ANXA3: variants seen among roughly 807,000 people sequenced by gnomAD.
The protein encoded by ANXA3 is annexin A3.
In ANXA3, 46 loss-of-function variants were observed where a neutral mutation model predicts 48.8. The observed-to-expected ratio is 0.94, with a 90% CI of 0.74 to 1.21. The LOEUF (loss-of-function observed/expected upper bound fraction) is 1.21. Ranked by LOEUF, ANXA3 falls within the 50% of genes most tolerant of loss-of-function variation. The pLI is 0.00. For missense variants in ANXA3, 383 were observed against 378.6 expected, an observed-to-expected ratio of 1.01 and a Z score of -0.10; for synonymous variants, 128 against 134.7, an observed-to-expected ratio of 0.95 and a Z score of 0.35.
chr4:78,562,792 T>C (rs970710515), intron 2 of ANXA3, among the ~76,000 whole-genome samples: 4 of 152,084 alleles, frequency 2.6e-5, no homozygotes, highest in Non-Finnish European at 5.9e-5. Flanking sequence ...GGGGGTGTGA[T>C]TTTCTGCTCA....
intron 2 of ANXA3, among the ~76,000 whole-genome samples, chr4:78,561,638 C>G (rs1052923054): frequency 1.8e-4 from 28 of 152,190 alleles, no homozygotes; most frequent in African/African-American, 6.5e-4. Flanking sequence ...TGAACTCCTC[C>G]TCTGGTCTCC....
At chr4:78,606,709 G>A (rs569962922) in intron 12 of ANXA3, among the ~76,000 whole-genome samples, 1 of 152,262 alleles carries the variant, frequency 6.6e-6, no homozygotes, top group Admixed American at 6.5e-5. Context: ...ACATCAATCA[G>A]TCAACTAGAT....
chr4:78,575,214 T>C (rs1311710353), intron 3 of ANXA3, among the ~76,000 whole-genome samples: 1 of 152,192 alleles, frequency 6.6e-6, no homozygotes, highest in Non-Finnish European at 1.5e-5. Context: ...TTGGTTTGTC[T>C]TCTTTATGAT....
chr4:78,573,385 T>G, intron 3 of ANXA3, 118 bp downstream of exon 3: 6 of 714,930 alleles, frequency 8.4e-6, no homozygotes, highest in Non-Finnish European at 1.2e-5. Context: ...AGGAATTTTC[T>G]AAAATTGTGA....
At chr4:78,557,895 G>A (rs1312048270) in intron 2 of ANXA3, among the ~76,000 whole-genome samples, 1 of 152,112 alleles carries the variant, frequency 6.6e-6, no homozygotes, top group East Asian at 1.9e-4. Flanking sequence ...ATGAAAGCAG[G>A]ATCTTAAAGA....
intron 2 of ANXA3, among the ~76,000 whole-genome samples, chr4:78,561,565 C>G (rs1440877506): frequency 6.6e-6 from 1 of 152,088 alleles, no homozygotes; most frequent in Admixed American, 6.6e-5. Context: ...TGTGATTGCT[C>G]TTCTTTGCTA....
chr4:78,601,654 T>C, intron 11 of ANXA3, 86 bp downstream of exon 11: 1 of 1,123,866 alleles, frequency 8.9e-7, no homozygotes, highest in Non-Finnish European at 1.3e-6. Flanking sequence ...TATTTAAAAA[T>C]TAGTTATTTT....
chr4:78,592,456 T>G (rs1225834643), intron 7 of ANXA3, among the ~76,000 whole-genome samples: 2 of 152,214 alleles, frequency 1.3e-5, no homozygotes, highest in African/African-American at 4.8e-5. Context: ...GTGAAAAACT[T>G]ATGAAGGTTG....
At chr4:78,594,248 C>T (rs1328909227) in intron 7 of ANXA3, among the ~76,000 whole-genome samples, 19 of 152,072 alleles carry the variant, frequency 1.2e-4, no homozygotes, top group Non-Finnish European at 5.9e-5. Flanking sequence ...CTTTTTAGTA[C>T]TGAGTAGTAT....
intron 2 of ANXA3, among the ~76,000 whole-genome samples, chr4:78,555,565 A>G (rs1722493306): frequency 6.6e-6 from 1 of 152,140 alleles, no homozygotes; most frequent in Non-Finnish European, 1.5e-5. Flanking sequence ...AAGGTTGGAC[A>G]CAGTGGCTCA....
chr4:78,595,535 C>CT, intron 8 of ANXA3, 98 bp downstream of exon 8: 10 of 1,247,456 alleles, frequency 8.0e-6, no homozygotes, highest in Admixed American at 4.6e-5. Flanking sequence ...GCAACAGGGA[C>CT]TTTTCTTTTT....
At chr4:78,562,817 A>T (rs1311303483) in intron 2 of ANXA3, among the ~76,000 whole-genome samples, 1 of 152,214 alleles carries the variant, frequency 6.6e-6, no homozygotes, top group Non-Finnish European at 1.5e-5. Flanking sequence ...TAGGAGGAGA[A>T]GTCAACGTGG....
In ANXA3 at chr4:78,584,431, C is replaced by T. The variant is rs183945466; in HGVS notation, c.313-1829C>T. 4.2e-4 allele frequency among the ~76,000 whole-genome samples: 64 copies of T among 152,276 alleles called. 1 individual carries two copies. The East Asian group carries it at 9.6e-3, about 23-fold the overall frequency. ...AGTCAAGCAATCCTCCTGCCTCGGC[C>T]TCTCAAAGTACTGGAATTACAGGTG... On this transcript the variant is annotated intron_variant, in intron 5 of 12. Transcript: ENST00000264908.
chr4:78,606,014 G>A (rs1390834300), intron 12 of ANXA3, among the ~76,000 whole-genome samples: 9 of 152,250 alleles, frequency 5.9e-5, no homozygotes, highest in Non-Finnish European at 1.3e-4. Context: ...GTGATAGAGA[G>A]TGTTAGTCCA....
Position 78,608,164 on chromosome 4 carries a change from G to T in ANXA3, c.913-1892G>T, listed in dbSNP as rs572602665. Among the ~76,000 whole-genome samples, 168 of 152,250 alleles carry T rather than the reference G, an allele frequency of 1.1e-3. No individual in the cohort carries two copies. The Middle Eastern group carries it at 0.02, about 18-fold the overall frequency. ...GGGGAAGACATTTTCTGCCCTTATG[G>T]AATTACAACTATGTTAAATGTAAAG... On this transcript the variant is annotated intron_variant, in intron 12 of 12. Coordinates refer to ENST00000264908, the MANE Select transcript of ANXA3 (RefSeq NM_005139.3).
chr4:78,588,472 TA>T (rs1723224673), intron 6 of ANXA3, among the ~76,000 whole-genome samples: 1 of 152,160 alleles, frequency 6.6e-6, no homozygotes, highest in African/African-American at 2.4e-5. Flanking sequence ...ATGCAGGTTA[TA>T]ACCCCCCAGA....
intron 6 of ANXA3, among the ~76,000 whole-genome samples, chr4:78,591,043 G>A (rs558423158): frequency 6.6e-6 from 1 of 152,348 alleles, no homozygotes; most frequent in African/African-American, 2.4e-5. Flanking sequence ...GAAGGACTAA[G>A]ATGAACATGG....
intron 2 of ANXA3, among the ~76,000 whole-genome samples, chr4:78,562,343 G>C (rs546671575): frequency 3.9e-5 from 6 of 152,322 alleles, no homozygotes; most frequent in South Asian, 4.1e-4. Flanking sequence ...TTCATTATCA[G>C]ATCTTTATTT....
At chr4:78,578,300 A>AGAGC (rs1427862633) in intron 3 of ANXA3, among the ~76,000 whole-genome samples, 2,146 of 87,488 alleles carry the variant, frequency 0.025, 67 homozygotes, top group African/African-American at 0.1. Flanking sequence ...AGAGAGAGCG[A>AGAGC]GAGAGAGAGA....
Sources: allele counts gnomAD v4.1 joint callset (sites outside exome capture counted in the v4.1 genomes callset), GRCh38; gene constraint gnomAD v4.1.1; transcripts MANE v1.5; gene names NCBI Gene and HGNC (gene_info 2026-07-23, HGNC 2026-07-21).